The following FGF7 variants were observed in gnomAD, a reference collection of about 807,000 sequenced individuals.
The protein encoded by FGF7 is FGF-7.
FGF7 carries 6 observed loss-of-function variants against 20.5 expected under a neutral mutation model. The observed-to-expected ratio is 0.29, with a 90% CI of 0.16 to 0.58. The LOEUF is 0.58. Among genes scored for constraint, FGF7 ranks in the 20% least tolerant of loss-of-function variants. The probability of loss-of-function intolerance (pLI) is 0.90; values close to 1 mark genes in which losing one functional copy is unlikely to be tolerated. For synonymous variants in FGF7, 64 were observed against 74.7 expected (o/e 0.86, Z 0.74); for missense variants, 144 against 228.8 (o/e 0.63, Z 2.39).
intron 2 of FGF7, among the ~76,000 whole-genome samples, chr15:49,440,383 T>C (rs112556413): frequency 0.023 from 3,531 of 151,774 alleles, 88 homozygotes; most frequent in South Asian, 0.13. Flanking sequence ...AAAGTATTTA[T>C]AGTGAAAAGC....
chr15:49,450,027 G>A (rs375630289), intron 2 of FGF7, among the ~76,000 whole-genome samples: 8 of 152,086 alleles, frequency 5.3e-5, no homozygotes, highest in South Asian at 2.1e-4. Flanking sequence ...GCATGAGCCC[G>A]TAAGGAATGG....
chr15:49,439,921 G>C (rs1005937109), intron 2 of FGF7, among the ~76,000 whole-genome samples: 1 of 151,774 alleles, frequency 6.6e-6, no homozygotes, highest in African/African-American at 2.4e-5. Context: ...GAAGTTTGCA[G>C]ATAGCCCTCA....
At chr15:49,472,570 G>C (rs1372708132) in intron 2 of FGF7, among the ~76,000 whole-genome samples, 3 of 152,104 alleles carry the variant, frequency 2.0e-5, no homozygotes, top group Non-Finnish European at 4.4e-5. Flanking sequence ...TATGGAAAAA[G>C]GAGAGAATAA....
intron 2 of FGF7, among the ~76,000 whole-genome samples, chr15:49,439,044 G>T (rs1351227447): frequency 6.6e-6 from 1 of 151,752 alleles, no homozygotes; most frequent in African/African-American, 2.4e-5. Context: ...TGGTCTTAGG[G>T]ACTCTTACGA....
chr15:49,455,415 C>T (rs899988493), intron 2 of FGF7, among the ~76,000 whole-genome samples: 1 of 152,116 alleles, frequency 6.6e-6, no homozygotes, highest in Non-Finnish European at 1.5e-5. Context: ...AAAACCCCAG[C>T]ATTTTTCAAA....
chr15:49,477,836 C>T (rs2055494123), intron 2 of FGF7, among the ~76,000 whole-genome samples: 1 of 152,200 alleles, frequency 6.6e-6, no homozygotes, highest in African/African-American at 2.4e-5. Flanking sequence ...TGCCAGCATA[C>T]AGCACTGTTA....
At position 49,485,529 on chromosome 15, in the gene FGF7, A is replaced by G. The variant is rs2056334803; in HGVS notation, c.*1025A>G. 2.0e-5 allele frequency: 3 copies of G among 152,472 alleles called. No homozygotes were observed. The highest frequency in any genetic ancestry group is 4.4e-5 in the Non-Finnish European group (3 of 67,960). 9.4% of individuals were successfully genotyped at this position (152,472 alleles called of 1,614,324 possible). Reference sequence around the variant, plus strand: ...TTCATATGCTTTTAATTTTAAAGGAATAACAAAACTGTCTGGCTCAACGGC... The same window carrying G: ...TTCATATGCTTTTAATTTTAAAGGAGTAACAAAACTGTCTGGCTCAACGGC... On this transcript the variant is annotated 3_prime_UTR_variant, in exon 4 of 4. Transcript: ENST00000267843.
intron 2 of FGF7, among the ~76,000 whole-genome samples, chr15:49,467,119 G>T (rs1281387658): frequency 1.3e-5 from 2 of 152,140 alleles, no homozygotes; most frequent in South Asian, 2.1e-4. Context: ...CTACTGGATG[G>T]TAAGTTTCAC....
chr15:49,480,391 T>A (rs942107577), intron 2 of FGF7, among the ~76,000 whole-genome samples: 7 of 151,760 alleles, frequency 4.6e-5, no homozygotes, highest in African/African-American at 9.7e-5. Context: ...CATTGCAACC[T>A]CTGCCTCCCA....
chr15:49,479,599 G>GTTTTTTTGTTTTTTTTTT (rs2055712240), intron 2 of FGF7, among the ~76,000 whole-genome samples: 2 of 63,322 alleles, frequency 3.2e-5, no homozygotes, highest in African/African-American at 1.3e-4. Context: ...TAATACCTCT[G>GTTTTTTTGTTTTTTTTTT]TTTTTTTTTT....
chr15:49,474,190 G>C (rs1157568105), intron 2 of FGF7, among the ~76,000 whole-genome samples: 2 of 152,046 alleles, frequency 1.3e-5, no homozygotes, highest in East Asian at 1.9e-4. Flanking sequence ...TCTGTCTTAG[G>C]CTATCTATAT....
At chr15:49,457,777 T>C (rs1261092079) in intron 2 of FGF7, among the ~76,000 whole-genome samples, 1 of 151,930 alleles carries the variant, frequency 6.6e-6, no homozygotes, top group East Asian at 1.9e-4. Context: ...AAAGAATTGA[T>C]TAATACATTA....
chr15:49,436,088 C>T (rs1207079383), intron 2 of FGF7, among the ~76,000 whole-genome samples: 1 of 151,412 alleles, frequency 6.6e-6, no homozygotes, highest in Non-Finnish European at 1.5e-5. Context: ...AGGAAACTGG[C>T]CAGCTTAATA....
chr15:49,478,246 T>A (rs2055546588), intron 2 of FGF7, among the ~76,000 whole-genome samples: 1 of 152,192 alleles, frequency 6.6e-6, no homozygotes, highest in Non-Finnish European at 1.5e-5. Flanking sequence ...TCTTTAATGA[T>A]CTATGATATT....
At chr15:49,463,475 C>T (rs1456834177) in intron 2 of FGF7, among the ~76,000 whole-genome samples, 1 of 148,742 alleles carries the variant, frequency 6.7e-6, no homozygotes, top group East Asian at 2.0e-4. Flanking sequence ...CACTGGAACC[C>T]GGAAGGCAGA....
chr15:49,474,268 T>C (rs1281670846), intron 2 of FGF7, among the ~76,000 whole-genome samples: 2 of 152,182 alleles, frequency 1.3e-5, no homozygotes, highest in Non-Finnish European at 2.9e-5. Flanking sequence ...CTGGAATTCA[T>C]ACCGTATGAG....
chr15:49,464,618 A>T (rs573533938), intron 2 of FGF7, among the ~76,000 whole-genome samples: 3 of 152,332 alleles, frequency 2.0e-5, no homozygotes, highest in Middle Eastern at 3.4e-3. Context: ...AAAGTCACTG[A>T]ATAATGATTT....
At chr15:49,474,040 G>A (rs1412075603) in intron 2 of FGF7, among the ~76,000 whole-genome samples, 1 of 151,968 alleles carries the variant, frequency 6.6e-6, no homozygotes, top group African/African-American at 2.4e-5. Context: ...AAAACAAAAT[G>A]TATTTTTGAT....
Position 49,426,151 on chromosome 15 carries a change from C to G in FGF7, c.286+1568C>G, listed in dbSNP as rs567729129. ...TCCCTGTCTACGAATGATCTGGGGA[C>G]AATTTCTTTGTTTTTCTGACCCTCA... On this transcript the variant is annotated intron_variant, in intron 2 of 3. Transcript: ENST00000267843. Among the ~76,000 whole-genome samples, 8 of 151,734 alleles carry G rather than the reference C, an allele frequency of 5.3e-5. No individual in the cohort carries two copies. In the East Asian group the frequency reaches 1.6e-3, roughly 29 times the overall value.
Sources: gnomAD v4.1 joint callset for allele counts (sites outside exome capture counted in the v4.1 genomes callset) on GRCh38, gnomAD v4.1.1 for gene constraint, MANE v1.5 for transcripts, NCBI Gene and HGNC (gene_info 2026-07-23, HGNC 2026-07-21) for gene names.